The following PLXDC2 variants were observed in gnomAD, a reference collection of about 807,000 sequenced individuals.
The protein encoded by PLXDC2 is plexin domain containing 2, also known as plexin domain-containing protein 2.
In PLXDC2, 40 loss-of-function variants were observed where a neutral mutation model predicts 68.9. That is an observed-to-expected ratio of 0.58 (90% confidence interval 0.45 to 0.76). The LOEUF (loss-of-function observed/expected upper bound fraction) is 0.76, where lower values mean the gene tolerates loss of function less well. Ranked by LOEUF, PLXDC2 falls within the 30% of genes least tolerant of loss-of-function variation. The pLI, the probability that PLXDC2 is intolerant of heterozygous loss-of-function variation, is 0.00. For missense variants in PLXDC2, 644 were observed against 661.9 expected, an observed-to-expected ratio of 0.97 and a Z score of 0.30; for synonymous variants, 243 against 234.2, an observed-to-expected ratio of 1.04 and a Z score of -0.34.
At chr10:20,275,435 G>A (rs2151085) in intron 13 of PLXDC2, among the ~76,000 whole-genome samples, 114,244 of 151,988 alleles carry the variant, frequency 0.75, 43,368 homozygotes, top group Middle Eastern at 0.82. Context: ...ATTTAGTTCT[G>A]TAGTTTCCAA....
chr10:20,109,557 G>A (rs1833532057), intron 4 of PLXDC2, among the ~76,000 whole-genome samples: 1 of 152,114 alleles, frequency 6.6e-6, no homozygotes, highest in South Asian at 2.1e-4. Flanking sequence ...TCCAGTGTTT[G>A]TAAGCTTAGC....
chr10:19,908,733 A>C (rs956566767), intron 1 of PLXDC2, among the ~76,000 whole-genome samples: 1 of 151,886 alleles, frequency 6.6e-6, no homozygotes, highest in African/African-American at 2.4e-5. Flanking sequence ...CATTTATTCC[A>C]CACAGCAGTT....
At chr10:20,147,664 G>T in intron 5 of PLXDC2, 120 bp from the exon 6 acceptor site, 2 of 592,072 alleles carry the variant, frequency 3.4e-6, no homozygotes, top group East Asian at 2.7e-5. Flanking sequence ...ACATAAAATC[G>T]AAATAGTACA....
intron 3 of PLXDC2, among the ~76,000 whole-genome samples, chr10:20,067,767 G>T (rs114818700): frequency 6.6e-6 from 1 of 151,842 alleles, no homozygotes; most frequent in African/African-American, 2.4e-5. Flanking sequence ...TTTCATTATG[G>T]GATGTATAGA....
chr10:19,873,404 G>A (rs898655954), intron 1 of PLXDC2, among the ~76,000 whole-genome samples: 4 of 140,260 alleles, frequency 2.9e-5, no homozygotes, highest in Non-Finnish European at 4.6e-5. Flanking sequence ...ATTCTTCTTC[G>A]TCTTTTTTTT....
chr10:20,185,576 A>G (rs186070253), intron 9 of PLXDC2, among the ~76,000 whole-genome samples: 3 of 152,144 alleles, frequency 2.0e-5, no homozygotes, highest in African/African-American at 7.2e-5. Flanking sequence ...AAATTTGTAA[A>G]TTAAAATAAA....
At chr10:20,242,164 C>G (rs1012735469) in intron 12 of PLXDC2, among the ~76,000 whole-genome samples, 5 of 152,092 alleles carry the variant, frequency 3.3e-5, no homozygotes, top group Non-Finnish European at 7.3e-5. Context: ...CTGTGTCATA[C>G]TCTTATAAAA....
In PLXDC2 at chr10:20,001,980, G is replaced by T. The variant is rs1464030796; in HGVS notation, c.318G>T (p.Gln106His). The stretch of plus-strand genomic sequence containing the variant: ...ATGATGGGCAGGACAATAACACTCA[G>T]ATCGAGGTAGATAAATAGTCTGGGT... ...LLDDGQDNNTQIEEDTDHNYY... is the reference protein window; with the variant it reads ...LLDDGQDNNTHIEEDTDHNYY... Residue 106 changes from glutamine (Q) to histidine (H), a missense_variant, in exon 2 of 14, where the codon CAG (glutamine) becomes CAT (histidine). Around this residue, in one of 3 missense-constraint regions of PLXDC2, gnomAD observed 201 missense variants for 166.9 expected, o/e 1.20. Transcript: ENST00000377252. 3 of 1,611,146 alleles carry T rather than the reference G, an allele frequency of 1.9e-6. No homozygotes were observed. In the Admixed American group the frequency reaches 5.0e-5, roughly 27 times the overall value.
intron 1 of PLXDC2, among the ~76,000 whole-genome samples, chr10:19,834,409 G>A (rs971385040): frequency 7.9e-5 from 12 of 151,786 alleles, no homozygotes; most frequent in African/African-American, 2.7e-4. Flanking sequence ...AAAGGCAAAG[G>A]GACAGATATA....
intron 1 of PLXDC2, among the ~76,000 whole-genome samples, chr10:19,941,717 C>CCTT (rs1321580009): frequency 6.6e-6 from 1 of 152,022 alleles, no homozygotes; most frequent in African/African-American, 2.4e-5. Flanking sequence ...AAAGAACTAC[C>CCTT]CTTCACTCAT....
chr10:20,221,470 T>A (rs894872765), intron 12 of PLXDC2, among the ~76,000 whole-genome samples: 23 of 152,308 alleles, frequency 1.5e-4, no homozygotes, highest in African/African-American at 4.8e-4. Context: ...AGACTCTTCT[T>A]ATATCTATGG....
chr10:20,009,368 T>C (rs1225467983), intron 2 of PLXDC2, among the ~76,000 whole-genome samples: 1 of 152,174 alleles, frequency 6.6e-6, no homozygotes, highest in Non-Finnish European at 1.5e-5. Flanking sequence ...GAAAATCTGA[T>C]GGAGTTTTTG....
intron 2 of PLXDC2, among the ~76,000 whole-genome samples, chr10:20,012,303 C>CTCTCTTTTT (rs1835129350): frequency 3.0e-5 from 2 of 65,592 alleles, no homozygotes; most frequent in African/African-American, 7.6e-5. Context: ...CTCTCTCTCT[C>CTCTCTTTTT]TTTTTTATTT....
chr10:19,905,932 C>T (rs1410660756), intron 1 of PLXDC2, among the ~76,000 whole-genome samples: 1 of 150,760 alleles, frequency 6.6e-6, no homozygotes, highest in African/African-American at 2.4e-5. Flanking sequence ...ATTTTTACAA[C>T]AAAGATTTAC....
chr10:20,130,162 T>C (rs1833848353), intron 4 of PLXDC2, among the ~76,000 whole-genome samples: 1 of 152,112 alleles, frequency 6.6e-6, no homozygotes, highest in Non-Finnish European at 1.5e-5. Flanking sequence ...CAGGATATCA[T>C]TCCTTTTATT....
At chr10:20,250,834 G>C (rs2119346391) in intron 13 of PLXDC2, among the ~76,000 whole-genome samples, 1 of 152,256 alleles carries the variant, frequency 6.6e-6, no homozygotes, top group Admixed American at 6.5e-5. Flanking sequence ...TCATGTAGCT[G>C]TTGCTATTGT....
At chr10:20,160,454 A>G (rs1437400237) in intron 6 of PLXDC2, among the ~76,000 whole-genome samples, 3 of 152,152 alleles carry the variant, frequency 2.0e-5, no homozygotes, top group African/African-American at 4.8e-5. Context: ...TTTAGTTTGT[A>G]TCGTTGTTAA....
At chr10:20,231,637 C>T (rs1015962999) in intron 12 of PLXDC2, among the ~76,000 whole-genome samples, 3 of 151,486 alleles carry the variant, frequency 2.0e-5, no homozygotes, top group Non-Finnish European at 4.4e-5. Context: ...AATATTAACA[C>T]AGTCATAAGC....
intron 1 of PLXDC2, among the ~76,000 whole-genome samples, chr10:19,858,779 A>G (rs2131332801): frequency 6.6e-6 from 1 of 152,264 alleles, no homozygotes; most frequent in South Asian, 2.1e-4. Flanking sequence ...AGAAGTCATT[A>G]GGAAGGTAAG....
Sources: allele counts gnomAD v4.1 joint callset (sites outside exome capture counted in the v4.1 genomes callset), GRCh38; gene constraint gnomAD v4.1.1; regional missense constraint gnomAD v4.1.1; transcripts MANE v1.5; gene names NCBI Gene and HGNC (gene_info 2026-07-23, HGNC 2026-07-21).